R3HDM1: variants seen among roughly 807,000 people sequenced by gnomAD.
The protein encoded by R3HDM1 is R3H domain-containing protein 1.
A neutral mutation model predicts 141.1 loss-of-function variants in R3HDM1; 46 were observed. The ratio of observed to expected loss-of-function variants is 0.33; its 90% CI spans 0.26 to 0.42. The LOEUF is 0.42. Ranked by LOEUF, R3HDM1 falls within the 10% of genes least tolerant of loss-of-function variation. R3HDM1 has a pLI of 1.00. For missense variants in R3HDM1, 1,184 were observed against 1,368.3 expected, an observed-to-expected ratio of 0.87 and a Z score of 2.12; for synonymous variants, 435 against 472.9, an observed-to-expected ratio of 0.92 and a Z score of 1.04.
chr2:135,547,767 C>CTTTTTTTTTTTTT (rs56950620), intron 1 of R3HDM1, among the ~76,000 whole-genome samples: 110 of 107,352 alleles, frequency 1.0e-3, no homozygotes, highest in Non-Finnish European at 1.4e-3. Context: ...TTTTTCTTTT[C>CTTTTTTTTTTTTT]TTTTTTTTTT....
chr2:135,702,897 A>G (rs991004086), intron 21 of R3HDM1, among the ~76,000 whole-genome samples: 2 of 152,182 alleles, frequency 1.3e-5, no homozygotes, highest in Non-Finnish European at 2.9e-5. Flanking sequence ...AGAATCAACT[A>G]TACTAAAACT....
At chr2:135,644,125 GAATTT>G (rs1291261754) in intron 15 of R3HDM1, among the ~76,000 whole-genome samples, 8 of 152,274 alleles carry the variant, frequency 5.3e-5, no homozygotes, top group African/African-American at 1.7e-4. Flanking sequence ...AGATTATGGT[GAATTT>G]ATTTTCTTTT....
chr2:135,593,249 C>T (rs975667746), intron 1 of R3HDM1, among the ~76,000 whole-genome samples: 2 of 152,002 alleles, frequency 1.3e-5, no homozygotes, highest in Non-Finnish European at 2.9e-5. Flanking sequence ...GAGATTTTAC[C>T]TCATGCCAAT....
chr2:135,615,938 A>C (rs571977180), intron 3 of R3HDM1, among the ~76,000 whole-genome samples: 1 of 152,362 alleles, frequency 6.6e-6, no homozygotes, highest in East Asian at 1.9e-4. Context: ...AAGAAAGAAA[A>C]ATAATAAAAA....
intron 7 of R3HDM1, among the ~76,000 whole-genome samples, chr2:135,626,205 G>GTGTGTGCTTGCTTGCT (rs769901090): frequency 0.03 from 3,441 of 116,088 alleles, 138 homozygotes; most frequent in African/African-American, 0.13. Context: ...GCGTGCGTGC[G>GTGTGTGCTTGCTTGCT]TGCGTGCTTG....
chr2:135,680,045 A>G (rs3769016), intron 20 of R3HDM1, 128 bp from the exon 21 acceptor site: 178,741 of 955,804 alleles, frequency 0.19, 22,116 homozygotes, highest in East Asian at 0.45. Flanking sequence ...GCACCACTAC[A>G]CTCCAGCCTG....
chr2:135,706,584 C>T (rs531386052), intron 21 of R3HDM1, among the ~76,000 whole-genome samples: 70 of 152,114 alleles, frequency 4.6e-4, no homozygotes, highest in Middle Eastern at 3.4e-3. Context: ...TGACTCTTAA[C>T]GAGCCTGCTG....
At chr2:135,645,593 C>A in intron 16 of R3HDM1, 66 bp downstream of exon 16, 1 of 1,532,956 alleles carries the variant, frequency 6.5e-7, no homozygotes, top group Non-Finnish European at 8.9e-7. Flanking sequence ...ACTAAATTCG[C>A]TAATTATAAT....
At chr2:135,532,499 G>A (rs1695092662) in intron 1 of R3HDM1, among the ~76,000 whole-genome samples, 1 of 152,120 alleles carries the variant, frequency 6.6e-6, no homozygotes, top group Non-Finnish European at 1.5e-5. Flanking sequence ...AAAAGGTGAA[G>A]AAGAGGTGCT....
At chr2:135,544,696 C>G (rs1156659457) in intron 1 of R3HDM1, among the ~76,000 whole-genome samples, 1 of 152,214 alleles carries the variant, frequency 6.6e-6, no homozygotes, top group Non-Finnish European at 1.5e-5. Context: ...GTGGCTCACT[C>G]ACGCCTGTAA....
chr2:135,675,393 C>A lies in R3HDM1; in HGVS notation c.2214C>A (p.Pro738=). 1 of 1,613,896 alleles carries A rather than the reference C, an allele frequency of 6.2e-7. No homozygotes were observed. Among genetic ancestry groups the A allele is most frequent in the Admixed American group, 1.7e-5 (1 of 59,998 alleles). The stretch of plus-strand genomic sequence containing the variant: ...AAGGAATAGTTGGAGTTCAGCAACC[C>A]CAGAGTCAGAGCCTAGTCAGTGGCC... ...NYQGIVGVQQ[P]QSQSLVSGQP... Residue 738 remains proline (P), a synonymous_variant, in exon 20 of 27, where the codon CCC becomes CCA. Coordinates refer to ENST00000683871, the MANE Select transcript of R3HDM1 (RefSeq NM_001378107.1).
chr2:135,718,989 C>CA (rs918496514), intron 24 of R3HDM1, among the ~76,000 whole-genome samples: 105 of 150,402 alleles, frequency 7.0e-4, no homozygotes, highest in South Asian at 2.3e-3. Context: ...ATTAAAAATA[C>CA]AAAAAAAAAT....
At chr2:135,683,953 AATACATACATAC>A (rs3074523) in intron 21 of R3HDM1, among the ~76,000 whole-genome samples, 191 of 147,984 alleles carry the variant, frequency 1.3e-3, no homozygotes, top group African/African-American at 3.2e-3. Context: ...CTGTCTCATA[AATACATACATAC>A]ATACATACAT....
intron 1 of R3HDM1, chr2:135,536,628 C>T (rs974295424): frequency 5.6e-6 from 5 of 891,920 alleles, no homozygotes; most frequent in East Asian, 1.2e-4. Context: ...CTGATCTAAG[C>T]GTTTAAAATA....
intron 1 of R3HDM1, among the ~76,000 whole-genome samples, chr2:135,547,843 G>A (rs1477662033): frequency 1.4e-5 from 2 of 144,630 alleles, no homozygotes; most frequent in Admixed American, 7.4e-5. Flanking sequence ...GCACGATCTC[G>A]GCTCACTGCA....
intron 3 of R3HDM1, among the ~76,000 whole-genome samples, chr2:135,609,288 T>A (rs1021393566): frequency 5.3e-5 from 8 of 152,242 alleles, no homozygotes; most frequent in Non-Finnish European, 8.8e-5. Context: ...TTCAGGGTTT[T>A]GTTTTGGACT....
intron 1 of R3HDM1, among the ~76,000 whole-genome samples, chr2:135,575,751 C>G (rs1705280069): frequency 6.6e-6 from 1 of 152,038 alleles, no homozygotes; most frequent in Admixed American, 6.5e-5. Flanking sequence ...GAAACTTTTT[C>G]AATACTTAAG....
At chr2:135,719,073 G>A (rs942515627) in intron 24 of R3HDM1, among the ~76,000 whole-genome samples, 4 of 152,068 alleles carry the variant, frequency 2.6e-5, no homozygotes, top group African/African-American at 4.8e-5. Context: ...GCTTGAACCC[G>A]AGAGGCAAAG....
rs780083659 is a variant in R3HDM1, at chr2:135,721,986, G to A, written c.2944G>A (p.Gly982Arg). Reference sequence around the variant, plus strand: ...GTACAATCCTCCTGCTGTTCTGCACGGACACATTCCAAACCAACAGGTAGG... The same window carrying A: ...GTACAATCCTCCTGCTGTTCTGCACAGACACATTCCAAACCAACAGGTAGG... The part of the protein sequence containing the change: ...LQYNPPAVLH[G>R]HIPNQQGQPG... The change falls in exon 25 of 27, where the codon GGA (glycine) becomes AGA (arginine). Residue 982 changes from glycine (G) to arginine (R), a missense_variant. Physicochemically the swap from Gly to Arg is moderately radical, Grantham distance 125. Coordinates refer to ENST00000683871, the MANE Select transcript of R3HDM1 (RefSeq NM_001378107.1). The A allele has an allele frequency of 6.2e-6, 10 of 1,613,506 alleles. No homozygotes were observed. Among genetic ancestry groups the A allele is most frequent in the South Asian group, 3.3e-5 (3 of 91,062 alleles).
Sources: gnomAD v4.1 joint callset for allele counts (sites outside exome capture counted in the v4.1 genomes callset) on GRCh38, gnomAD v4.1.1 for gene constraint, MANE v1.5 for transcripts, NCBI Gene and HGNC (gene_info 2026-07-23, HGNC 2026-07-21) for gene names.